TIAM2: variants seen among roughly 807,000 people sequenced by gnomAD.
TIAM2 encodes TIAM Rac1 associated GEF 2.
Under a neutral mutation model 152.9 loss-of-function variants are expected in TIAM2, and 80 were observed. That is an observed-to-expected ratio of 0.52 (90% CI 0.44 to 0.63). The LOEUF (loss-of-function observed/expected upper bound fraction) is 0.63, where lower values mean the gene tolerates loss of function less well. Among genes scored for constraint, TIAM2 ranks in the 30% least tolerant of loss-of-function variants. TIAM2 has a pLI of 0.00. For missense variants in TIAM2, 1,965 were observed against 2,120.1 expected (o/e 0.93, Z 1.44); for synonymous variants, 804 against 838.0 (o/e 0.96, Z 0.70).
chr6:155,072,111 G>A (rs527376658), intron 1 of TIAM2, among the ~76,000 whole-genome samples: 2 of 151,264 alleles, frequency 1.3e-5, no homozygotes, highest in South Asian at 4.1e-4. Flanking sequence ...ATTTACATTG[G>A]TGGCTGGGAG....
chr6:155,011,266 T>C (rs1464024200), intron 1 of TIAM2, among the ~76,000 whole-genome samples: 1 of 152,142 alleles, frequency 6.6e-6, no homozygotes, highest in Non-Finnish European at 1.5e-5. Flanking sequence ...TGACACTGGT[T>C]AGGAGACCTT....
rs1780151658 is a variant in TIAM2, at chr6:155,157,460, T to A, written c.2029-6955T>A. Among the ~76,000 whole-genome samples the A allele has an allele frequency of 2.0e-5, 3 of 152,066 alleles. No individual in the cohort carries two copies. In the South Asian group the frequency reaches 6.2e-4, roughly 32 times the overall value. Reference sequence around the variant, plus strand: ...TTCTTTTCTTTTTCTTTCTTTTTTTTTTTTAGAATTAAAAATTTTTTTAAA... The same window carrying A: ...TTCTTTTCTTTTTCTTTCTTTTTTTATTTTAGAATTAAAAATTTTTTTAAA... On this transcript the variant is annotated intron_variant, in intron 7 of 26. Coordinates refer to ENST00000682666, the MANE Select transcript of TIAM2 (RefSeq NM_012454.4).
chr6:155,112,044 C>T lies in TIAM2; in HGVS notation c.-117-15446C>T, dbSNP rs186162963. On this transcript the variant is annotated intron_variant, in intron 2 of 26. Transcript: ENST00000682666. ...AGGTTTTTGTTATTTGAATCAGAAA[C>T]ATTTGACATGGTTGCTCAGTCTTCT... Among the ~76,000 whole-genome samples, 14 of 151,780 alleles carry T rather than the reference C, an allele frequency of 9.2e-5. No individual in the cohort carries two copies. The East Asian group carries it at 2.5e-3, about 27-fold the overall frequency.
Position 155,249,359 on chromosome 6 carries a change from G to A in TIAM2, c.3833-492G>A, listed in dbSNP as rs140819996. Reference sequence around the variant, plus strand: ...AAACCTAGATCCGGGTTCCCAGAAGGGCAAGCCAAACTCGAGAGCTGGTGC... The same window carrying A: ...AAACCTAGATCCGGGTTCCCAGAAGAGCAAGCCAAACTCGAGAGCTGGTGC... On this transcript the variant is annotated intron_variant, in intron 20 of 26. Transcript: ENST00000682666. Among the ~76,000 whole-genome samples the A allele has an allele frequency of 4.6e-5, 7 of 152,288 alleles. No homozygotes were observed. The East Asian group carries it at 1.4e-3, about 29-fold the overall frequency.
At chr6:155,026,623 T>A (rs1046240947) in intron 1 of TIAM2, among the ~76,000 whole-genome samples, 5 of 152,232 alleles carry the variant, frequency 3.3e-5, no homozygotes, top group Admixed American at 1.3e-4. Context: ...GACTGACTCA[T>A]CCATGACTCA....
intron 16 of TIAM2, among the ~76,000 whole-genome samples, chr6:155,243,215 G>A (rs1783139041): frequency 6.6e-6 from 1 of 152,126 alleles, no homozygotes; most frequent in African/African-American, 2.4e-5. Context: ...GAATATGTGA[G>A]TTTGAGATTC....
chr6:155,177,034 A>T (rs985811288), intron 10 of TIAM2, 57 bp downstream of exon 10: 3 of 1,542,838 alleles, frequency 1.9e-6, no homozygotes, highest in Non-Finnish European at 2.6e-6. Flanking sequence ...TTAATGTTGC[A>T]ATCTTATGCC....
At chr6:155,115,082 A>G (rs1583197883) in intron 2 of TIAM2, among the ~76,000 whole-genome samples, 1 of 149,150 alleles carries the variant, frequency 6.7e-6, no homozygotes, top group Non-Finnish European at 1.5e-5. Flanking sequence ...CCTGCCTCGG[A>G]CTCCCAAATT....
chr6:155,162,502 A>G (rs79815267), intron 7 of TIAM2, among the ~76,000 whole-genome samples: 1,941 of 152,284 alleles, frequency 0.013, 47 homozygotes, highest in African/African-American at 0.044. Context: ...ACTGAACCTT[A>G]AGTAAGGTGT....
chr6:155,069,907 TTTTC>T (rs1777796427), intron 1 of TIAM2, among the ~76,000 whole-genome samples: 1 of 120,796 alleles, frequency 8.3e-6, no homozygotes. Flanking sequence ...CAGACATTTC[TTTTC>T]TTTTTTTTTT....
At position 155,257,266 on chromosome 6, in the gene TIAM2, G is replaced by T. The variant is rs1784119448; in HGVS notation, c.*145G>T. 1.1e-6 allele frequency: 1 copy of T among 914,886 alleles called. No individual in the cohort carries two copies. The allele number at this position is 914,886 out of a possible 1,614,324, so 56.7% of individuals were successfully genotyped here. A position where few individuals can be genotyped will look rare whatever the true frequency, so the allele number is the denominator to read the frequency against. ...CATTTTCCCACAAAATGGTTGTAAA[G>T]ATTTAAGTTATTTTAATTTATTGTG... On this transcript the variant is annotated 3_prime_UTR_variant, in exon 27 of 27. Coordinates refer to ENST00000682666, the MANE Select transcript of TIAM2 (RefSeq NM_012454.4).
At chr6:155,011,605 T>C (rs961473567) in intron 1 of TIAM2, among the ~76,000 whole-genome samples, 2 of 152,252 alleles carry the variant, frequency 1.3e-5, no homozygotes, top group Admixed American at 1.3e-4. Context: ...GACTGGTATA[T>C]AATTTAAACA....
chr6:155,256,617 G>C lies in TIAM2; in HGVS notation c.4602G>C (p.Thr1534=). Reference sequence around the variant, plus strand: ...GCACCCAGAGCAGCGGCTGCCCCACGGCTGAGGGCAGGCAGGACTCCAAGA... The same window carrying C: ...GCACCCAGAGCAGCGGCTGCCCCACCGCTGAGGGCAGGCAGGACTCCAAGA... The part of the protein sequence containing the change: ...SSGTQSSGCP[T]AEGRQDSKST... Residue 1534 remains threonine (T), a synonymous_variant, in exon 27 of 27, where the codon ACG becomes ACC. Transcript: ENST00000682666. 1.2e-6 allele frequency: 2 copies of C among 1,614,156 alleles called. No homozygotes were observed. Among genetic ancestry groups the C allele is most frequent in the Non-Finnish European group, 1.7e-6 (2 of 1,180,020 alleles).
intron 20 of TIAM2, 66 bp from the exon 21 acceptor site, chr6:155,249,785 A>AT (rs1433697030): frequency 1.5e-6 from 2 of 1,358,770 alleles, no homozygotes; most frequent in Non-Finnish European, 2.0e-6. Context: ...TCCATTCATT[A>AT]TTACTGTTGG....
At chr6:155,190,329 T>C (rs746785583) in intron 14 of TIAM2, among the ~76,000 whole-genome samples, 1 of 152,194 alleles carries the variant, frequency 6.6e-6, no homozygotes, top group Non-Finnish European at 1.5e-5. Flanking sequence ...ATTCAGATGT[T>C]TTAGAGGAAA....
At chr6:155,049,816 G>T (rs1200323700) in intron 1 of TIAM2, among the ~76,000 whole-genome samples, 6 of 151,838 alleles carry the variant, frequency 4.0e-5, no homozygotes, top group Admixed American at 1.3e-4. Context: ...TCCAGAAAAA[G>T]AATGTGGTAG....
chr6:155,093,646 C>T (rs1379197007), intron 2 of TIAM2, among the ~76,000 whole-genome samples: 1 of 152,186 alleles, frequency 6.6e-6, no homozygotes. Flanking sequence ...GATGGTGCCT[C>T]TTTGCAATAG....
At chr6:155,101,008 A>G (rs181579875) in intron 2 of TIAM2, among the ~76,000 whole-genome samples, 116 of 152,062 alleles carry the variant, frequency 7.6e-4, no homozygotes, top group African/African-American at 2.8e-3. Flanking sequence ...TCAGTTGTAC[A>G]TTTGCGTGGG....
At chr6:155,003,494 ATTAC>A (rs1482179104) in intron 1 of TIAM2, among the ~76,000 whole-genome samples, 2 of 152,180 alleles carry the variant, frequency 1.3e-5, no homozygotes, top group Non-Finnish European at 2.9e-5. Flanking sequence ...AAGAAAAGAA[ATTAC>A]TTGTCCCCAT....
Sources: gnomAD v4.1 joint callset for allele counts (sites outside exome capture counted in the v4.1 genomes callset) on GRCh38, gnomAD v4.1.1 for gene constraint, MANE v1.5 for transcripts, NCBI Gene and HGNC (gene_info 2026-07-23, HGNC 2026-07-21) for gene names.